AOPEP: variants seen among roughly 807,000 people sequenced by gnomAD.
AOPEP encodes the protein aminopeptidase O (putative).
AOPEP carries 77 observed loss-of-function variants against 98.1 expected under a neutral mutation model. That is an observed-to-expected ratio of 0.78 (90% confidence interval 0.65 to 0.95). The LOEUF is 0.95. AOPEP is among the 40% of genes least tolerant of loss of function. AOPEP has a pLI of 0.00. For synonymous variants in AOPEP, 346 were observed against 365.3 expected (o/e 0.95, Z 0.60); for missense variants, 1,024 against 1,024.7 (o/e 1.00, Z 0.01).
In AOPEP at chr9:94,800,685, T is replaced by A. The variant is rs930230766; in HGVS notation, c.1119-72T>A. 5 of 1,542,108 alleles carry A rather than the reference T, an allele frequency of 3.2e-6. No homozygotes were observed. In the African/African-American group the frequency reaches 6.8e-5, roughly 21 times the overall value. On this transcript the variant is annotated intron_variant, in intron 4 of 16. Transcript: ENST00000375315. The stretch of plus-strand genomic sequence containing the variant: ...CTCTGTCTCCTAAAAGTTGTCTACA[T>A]CTGCAAGATTGCCTCACCTCCACAG...
At chr9:94,790,983 G>T (rs1421764330) in intron 3 of AOPEP, among the ~76,000 whole-genome samples, 1 of 152,124 alleles carries the variant, frequency 6.6e-6, no homozygotes, top group East Asian at 1.9e-4. Context: ...GGGACTGAAA[G>T]AGAGATTTAC....
the AOPEP span, chr9:95,100,817 G>T: frequency 8.8e-6 from 2 of 227,218 alleles, no homozygotes; most frequent in Non-Finnish European, 1.8e-5. Context: ...TTTTAGTAGA[G>T]ATAGGGTATT....
intron 11 of AOPEP, among the ~76,000 whole-genome samples, chr9:94,991,249 T>A (rs913608118): frequency 2.0e-5 from 3 of 152,244 alleles, no homozygotes; most frequent in Non-Finnish European, 4.4e-5. Flanking sequence ...CCTTCTCTTT[T>A]GTGGAAGCCA....
Position 94,760,060 on chromosome 9 carries a change from G to GA in AOPEP, c.280dup (p.Met94AsnfsTer4). The GA allele has an allele frequency of 5.6e-6, 9 of 1,614,186 alleles. No individual in the cohort carries two copies. The highest frequency in any genetic ancestry group is 7.6e-6 in the Non-Finnish European group (9 of 1,180,044). ...GACAAATGCAAGGACCTTCTCATCT[G>GA]AAATGGAATATAATGATTTTGCAAT... On this transcript the variant is annotated frameshift_variant, in exon 2 of 17. Coordinates refer to ENST00000375315, the MANE Select transcript of AOPEP (RefSeq NM_001193329.3). LOFTEE classifies it high-confidence loss of function.
At chr9:94,826,178 C>T (rs1854497864) in intron 5 of AOPEP, among the ~76,000 whole-genome samples, 1 of 152,178 alleles carries the variant, frequency 6.6e-6, no homozygotes, top group Admixed American at 6.5e-5. Context: ...TCTCCGAAGA[C>T]ATGAGCCTCC....
intron 5 of AOPEP, among the ~76,000 whole-genome samples, chr9:94,830,287 G>A (rs4744379): frequency 0.85 from 129,658 of 152,186 alleles, 55,443 homozygotes; most frequent in Non-Finnish European, 0.89. Flanking sequence ...GTGAGAACAT[G>A]TGGTGTTTGG....
intron 4 of AOPEP, among the ~76,000 whole-genome samples, chr9:94,798,005 C>G (rs1026052081): frequency 2.0e-5 from 3 of 152,050 alleles, no homozygotes; most frequent in African/African-American, 7.2e-5. Flanking sequence ...TGTCTGGCCT[C>G]TCATATCCTT....
At chr9:94,918,792 G>C (rs2053182824) in intron 5 of AOPEP, among the ~76,000 whole-genome samples, 1 of 152,154 alleles carries the variant, frequency 6.6e-6, no homozygotes, top group Admixed American at 6.5e-5. Flanking sequence ...GAAGATGTTT[G>C]GGTACAAGAA....
chr9:94,943,620 A>T (rs1384812956), intron 7 of AOPEP, among the ~76,000 whole-genome samples: 2 of 149,012 alleles, frequency 1.3e-5, no homozygotes, highest in African/African-American at 4.9e-5. Flanking sequence ...GAAAAAAGAA[A>T]AAAAAAGGAT....
At chr9:95,088,817 A>C (rs547152598), downstream of AOPEP, among the ~76,000 whole-genome samples, 1 of 152,346 alleles carries the variant, frequency 6.6e-6, no homozygotes, top group South Asian at 2.1e-4. Flanking sequence ...CCTGTGAGTC[A>C]CCGGGTCTTG....
intron 14 of AOPEP, among the ~76,000 whole-genome samples, chr9:95,064,129 A>G (rs932581584): frequency 2.0e-5 from 3 of 152,208 alleles, no homozygotes; most frequent in Admixed American, 6.5e-5. Context: ...TTGTAAGGGC[A>G]TACCTGTTTC....
chr9:95,047,984 T>C (rs1344762031), intron 13 of AOPEP, among the ~76,000 whole-genome samples: 1 of 152,234 alleles, frequency 6.6e-6, no homozygotes, highest in Non-Finnish European at 1.5e-5. Flanking sequence ...GGTGGTTTGT[T>C]GCTCTTTTAT....
chr9:95,134,691 G>A, the AOPEP span, among the ~76,000 whole-genome samples: 2 of 152,222 alleles, frequency 1.3e-5, no homozygotes, highest in African/African-American at 4.8e-5. Flanking sequence ...CCACAGAGCT[G>A]CCTCCCACAA....
chr9:95,017,032 TGGC>T (rs2063062099), intron 13 of AOPEP, among the ~76,000 whole-genome samples: 1 of 150,826 alleles, frequency 6.6e-6, no homozygotes, highest in Non-Finnish European at 1.5e-5. Flanking sequence ...ATATAAAATG[TGGC>T]AATTTTCTAC....
chr9:94,774,699 G>C (rs1841689531), intron 3 of AOPEP, among the ~76,000 whole-genome samples: 1 of 151,862 alleles, frequency 6.6e-6, no homozygotes, highest in South Asian at 2.1e-4. Context: ...TAAATTCCAG[G>C]GGAGACATTT....
rs537242712 is a variant in AOPEP at position 94,919,378 on chromosome 9, C to T, written c.1365-4608C>T. The stretch of plus-strand genomic sequence containing the variant: ...CCCGTTTAAAGATACACACTGCAGT[C>T]GGGTGGGTGCCAGATGAGGAAAGCG... On this transcript the variant is annotated intron_variant, in intron 5 of 16. Coordinates refer to ENST00000375315, the MANE Select transcript of AOPEP (RefSeq NM_001193329.3). Among the ~76,000 whole-genome samples, 12 of 152,194 alleles carry T rather than the reference C, an allele frequency of 7.9e-5. No homozygotes were observed. The South Asian group carries it at 2.1e-3, about 26-fold the overall frequency.
At chr9:94,970,441 C>T (rs1038799252) in intron 10 of AOPEP, among the ~76,000 whole-genome samples, 1 of 152,134 alleles carries the variant, frequency 6.6e-6, no homozygotes, top group African/African-American at 2.4e-5. Context: ...TATACACACA[C>T]ATTAAGCAAG....
intron 5 of AOPEP, among the ~76,000 whole-genome samples, chr9:94,803,503 G>C (rs768532517): frequency 6.6e-6 from 1 of 152,154 alleles, no homozygotes; most frequent in Non-Finnish European, 1.5e-5. Flanking sequence ...AAGCTTAAAA[G>C]TCTCCTCTTT....
chr9:94,920,705 A>G (rs2053490011), intron 5 of AOPEP, among the ~76,000 whole-genome samples: 1 of 152,192 alleles, frequency 6.6e-6, no homozygotes, highest in Non-Finnish European at 1.5e-5. Flanking sequence ...TGCTAGAAAC[A>G]TGTTTTAGAT....
Sources: gnomAD v4.1 joint callset for allele counts (sites outside exome capture counted in the v4.1 genomes callset) on GRCh38, gnomAD v4.1.1 for gene constraint, MANE v1.5 for transcripts, NCBI Gene and HGNC (gene_info 2026-07-23, HGNC 2026-07-21) for gene names.